The following SUMF1 variants were observed in gnomAD, a reference collection of about 807,000 sequenced individuals.
SUMF1 encodes the protein formylglycine-generating enzyme.
Under a neutral mutation model 47.6 loss-of-function variants are expected in SUMF1, and 48 were observed. The ratio of observed to expected loss-of-function variants is 1.01; its 90% CI spans 0.80 to 1.28. The LOEUF (loss-of-function observed/expected upper bound fraction) is 1.28. Among genes scored for constraint, SUMF1 ranks in the 50% most tolerant of loss-of-function variants. The pLI is 0.00. For synonymous variants in SUMF1, 230 were observed against 192.1 expected (o/e 1.20, Z -1.63); for missense variants, 571 against 485.4 (o/e 1.18, Z -1.66).
At chr3:4,466,627 C>A (rs2079954001) in intron 1 of SUMF1, among the ~76,000 whole-genome samples, 1 of 152,072 alleles carries the variant, frequency 6.6e-6, no homozygotes, top group Non-Finnish European at 1.5e-5. Context: ...GATACTGAGA[C>A]CCAGGATCCT....
At chr3:4,360,965 A>C (rs1688416), downstream of SUMF1, among the ~76,000 whole-genome samples, 131,132 of 152,214 alleles carry the variant, frequency 0.86, 57,497 homozygotes, top group Non-Finnish European at 0.95. Context: ...TGATAGGGTT[A>C]CTGGTGGAAT....
intron 8 of SUMF1, among the ~76,000 whole-genome samples, chr3:4,334,314 C>G (rs1407871042): frequency 6.6e-6 from 1 of 152,034 alleles, no homozygotes; most frequent in East Asian, 1.9e-4. Flanking sequence ...GATTTTTTTG[C>G]TTTTGAACTT....
At chr3:4,232,423 T>A (rs962298233) in intron 8 of SUMF1, among the ~76,000 whole-genome samples, 2 of 152,108 alleles carry the variant, frequency 1.3e-5, no homozygotes, top group Non-Finnish European at 2.9e-5. Flanking sequence ...CCAGGGTTCA[T>A]CACGTCAGTC....
chr3:4,068,628 G>A (rs771541369), exon 9 of SUMF1: 1 of 440,368 alleles, frequency 2.3e-6, no homozygotes, highest in African/African-American at 2.0e-5. Context: ...TATTGCTGAT[G>A]CCTACGTATT....
intron 1 of SUMF1, among the ~76,000 whole-genome samples, chr3:4,463,476 C>T (rs951872861): frequency 2.0e-5 from 3 of 152,144 alleles, no homozygotes; most frequent in Non-Finnish European, 4.4e-5. Context: ...GGTGACAGAG[C>T]GAGACTCCGT....
At chr3:4,152,592 C>T (rs1282761816) in intron 8 of SUMF1, among the ~76,000 whole-genome samples, 1 of 151,372 alleles carries the variant, frequency 6.6e-6, no homozygotes, top group Non-Finnish European at 1.5e-5. Flanking sequence ...CGTGCCTGGC[C>T]CAGTGTGGTT....
chr3:4,296,932 C>CGT, intron 8 of SUMF1, among the ~76,000 whole-genome samples: 2 of 152,270 alleles, frequency 1.3e-5, no homozygotes, highest in South Asian at 4.1e-4. Flanking sequence ...GAAAAAGAGA[C>CGT]TGAAACCAGA....
intron 8 of SUMF1, among the ~76,000 whole-genome samples, chr3:4,246,671 AT>A (rs1696678333): frequency 6.6e-6 from 1 of 152,112 alleles, no homozygotes; most frequent in African/African-American, 2.4e-5. Flanking sequence ...AAGTGCTGGG[AT>A]TACAGGCGTG....
chr3:4,212,296 G>T (rs1048690162), intron 8 of SUMF1, among the ~76,000 whole-genome samples: 1 of 152,142 alleles, frequency 6.6e-6, no homozygotes, highest in Admixed American at 6.5e-5. Flanking sequence ...ACAGCATCGG[G>T]AGTGGACCTC....
intron 8 of SUMF1, among the ~76,000 whole-genome samples, chr3:4,222,289 G>C (rs996543111): frequency 2.1e-4 from 32 of 151,816 alleles, no homozygotes; most frequent in African/African-American, 7.0e-4. Flanking sequence ...AGCTGCCTTT[G>C]GCCAGCACCA....
At chr3:4,103,624 T>C (rs1028589179) in intron 8 of SUMF1, among the ~76,000 whole-genome samples, 11 of 152,144 alleles carry the variant, frequency 7.2e-5, no homozygotes, top group Admixed American at 6.5e-4. Flanking sequence ...TTGACTTTCT[T>C]AGGCATGGAG....
chr3:4,218,724 C>T (rs1238886397), intron 8 of SUMF1, among the ~76,000 whole-genome samples: 1 of 152,176 alleles, frequency 6.6e-6, no homozygotes, highest in Non-Finnish European at 1.5e-5. Flanking sequence ...GTAATTACTA[C>T]AGGCAATGAG....
At chr3:4,083,289 G>A (rs944665693) in intron 8 of SUMF1, among the ~76,000 whole-genome samples, 5 of 152,148 alleles carry the variant, frequency 3.3e-5, no homozygotes, top group Non-Finnish European at 5.9e-5. Context: ...TGACATTTGA[G>A]TTAATACCCT....
chr3:4,110,884 C>A (rs1388343369), intron 8 of SUMF1, among the ~76,000 whole-genome samples: 7 of 150,398 alleles, frequency 4.7e-5, no homozygotes, highest in Non-Finnish European at 4.4e-5. Context: ...AGGAGATATA[C>A]CTAATGTTAA....
chr3:4,207,812 G>T (rs1453664761), intron 8 of SUMF1, among the ~76,000 whole-genome samples: 2 of 152,232 alleles, frequency 1.3e-5, no homozygotes, highest in East Asian at 3.9e-4. Context: ...CAACTTACTA[G>T]AACAGAAACT....
chr3:4,128,430 A>G (rs1177924736), intron 8 of SUMF1, among the ~76,000 whole-genome samples: 1 of 152,134 alleles, frequency 6.6e-6, no homozygotes, highest in African/African-American at 2.4e-5. Flanking sequence ...AGTAGTGGCA[A>G]CATCCCCTAA....
chr3:4,394,115 T>G, intron 7 of SUMF1, among the ~76,000 whole-genome samples: 1 of 152,238 alleles, frequency 6.6e-6, no homozygotes, highest in East Asian at 1.9e-4. Flanking sequence ...ATAGTTTTGT[T>G]TTTATTATTA....
chr3:4,054,968 G>T (rs1362351416), intron 9 of SUMF1, among the ~76,000 whole-genome samples: 2 of 152,126 alleles, frequency 1.3e-5, no homozygotes, highest in Non-Finnish European at 2.9e-5. Context: ...TACGCCCAGG[G>T]TCTTTCCTGA....
In SUMF1 at chr3:4,191,390, G is replaced by C. The variant is rs183340422; in HGVS notation, c.1015-122645C>G. 2.6e-4 allele frequency among the ~76,000 whole-genome samples: 39 copies of C among 152,218 alleles called. No homozygotes were observed. In the East Asian group the frequency reaches 5.0e-3, roughly 20 times the overall value. On this transcript the variant is annotated intron_variant and NMD_transcript_variant, in intron 8 of 12. Coordinates refer to the SUMF1 transcript ENST00000448413. ...AATTTAGGCAAAGTCTAGCAAGCCTGGTACCAAATGAAGAAGTAAAAGGTT... is the reference window on the plus strand; with the variant it reads ...AATTTAGGCAAAGTCTAGCAAGCCTCGTACCAAATGAAGAAGTAAAAGGTT...
Sources: allele counts gnomAD v4.1 joint callset (sites outside exome capture counted in the v4.1 genomes callset), GRCh38; gene constraint gnomAD v4.1.1; transcripts MANE v1.5; gene names NCBI Gene and HGNC (gene_info 2026-07-23, HGNC 2026-07-21).